The following AKAP6 variants were observed in gnomAD, a reference collection of about 807,000 sequenced individuals.
AKAP6 encodes A-kinase anchoring protein 6.
Under a neutral mutation model 188.5 loss-of-function variants are expected in AKAP6, and 58 were observed. The observed-to-expected ratio is 0.31, with a 90% CI of 0.25 to 0.38. The LOEUF (loss-of-function observed/expected upper bound fraction) is 0.38, where lower values mean the gene tolerates loss of function less well. Among genes scored for constraint, AKAP6 ranks in the 10% least tolerant of loss-of-function variants. The pLI, the probability that AKAP6 is intolerant of heterozygous loss-of-function variation, is 1.00. For synonymous variants in AKAP6, 989 were observed against 998.6 expected, an observed-to-expected ratio of 0.99 and a Z score of 0.18; for missense variants, 2,710 against 2,740.0, an observed-to-expected ratio of 0.99 and a Z score of 0.24.
chr14:32,789,270 G>C (rs2033532294), intron 12 of AKAP6, among the ~76,000 whole-genome samples: 1 of 152,190 alleles, frequency 6.6e-6, no homozygotes, highest in Non-Finnish European at 1.5e-5. Flanking sequence ...CATCTCTGCA[G>C]TTCAGTTGAC....
intron 9 of AKAP6, among the ~76,000 whole-genome samples, chr14:32,709,644 T>C (rs1204035655): frequency 6.6e-6 from 1 of 152,066 alleles, no homozygotes; most frequent in Non-Finnish European, 1.5e-5. Flanking sequence ...AGGAGAGAAT[T>C]TGTCCTCCAT....
chr14:32,673,662 G>C (rs1889313565), intron 7 of AKAP6, among the ~76,000 whole-genome samples: 2 of 152,178 alleles, frequency 1.3e-5, no homozygotes, highest in Admixed American at 1.3e-4. Flanking sequence ...TTGAACCTGG[G>C]AGGTGGAGGT....
intron 12 of AKAP6, among the ~76,000 whole-genome samples, chr14:32,811,434 C>T (rs1950213): frequency 0.85 from 128,529 of 151,910 alleles, 54,386 homozygotes; most frequent in Admixed American, 0.88. Flanking sequence ...ACAGTAATGA[C>T]ATAATGTTGG....
At position 32,669,596 on chromosome 14, in the gene AKAP6, A is replaced by G. The variant is rs113382638; in HGVS notation, c.2731-8715A>G. Among the ~76,000 whole-genome samples the G allele has an allele frequency of 5.9e-3, 905 of 152,324 alleles. 3 individuals carry two copies. The highest frequency in any genetic ancestry group is 0.019 in the African/African-American group (802 of 41,566). ...ATGAGTATGGGCACTCTGCCAAACA[A>G]AAGAGTAGATATTTCCAAGTGTATT... On this transcript the variant is annotated intron_variant, in intron 7 of 13. Transcript: ENST00000280979.
intron 1 of AKAP6, among the ~76,000 whole-genome samples, 169 bp downstream of exon 1, chr14:32,329,577 A>T (rs996675334): frequency 5.9e-5 from 9 of 152,118 alleles, no homozygotes; most frequent in Non-Finnish European, 1.3e-4. Context: ...AAAGGCCTGT[A>T]AGAGTCATAT....
intron 12 of AKAP6, among the ~76,000 whole-genome samples, chr14:32,774,753 C>T (rs951404868): frequency 2.1e-5 from 3 of 144,292 alleles, no homozygotes; most frequent in Non-Finnish European, 4.4e-5. Flanking sequence ...TGCATACATA[C>T]ATACATACAT....
chr14:32,387,034 T>C (rs1888556539), intron 1 of AKAP6, among the ~76,000 whole-genome samples: 1 of 152,132 alleles, frequency 6.6e-6, no homozygotes, highest in South Asian at 2.1e-4. Context: ...TGAAATCAGG[T>C]AATGTGATGC....
rs116307985 is a variant in AKAP6, at chr14:32,614,753, T to C, written c.2730+13961T>C. ...GGACCCTATTCCCCAGCCCAGCCAG[T>C]GAATCACAGTTAGTCCATGAGGCAA... On this transcript the variant is annotated intron_variant, in intron 7 of 13. Coordinates refer to ENST00000280979, the MANE Select transcript of AKAP6 (RefSeq NM_004274.5). Among the ~76,000 whole-genome samples, 486 of 152,208 alleles carry C rather than the reference T, an allele frequency of 3.2e-3. 1 individual carries two copies. Among genetic ancestry groups the C allele is most frequent in the African/African-American group, 0.011 (467 of 41,532 alleles).
chr14:32,527,500 A>G (rs1450554419), intron 2 of AKAP6, among the ~76,000 whole-genome samples: 1 of 152,180 alleles, frequency 6.6e-6, no homozygotes, highest in African/African-American at 2.4e-5. Context: ...GCTGGTTTTT[A>G]TGGTGAGAAT....
At chr14:32,783,667 G>A (rs1350073659) in intron 12 of AKAP6, among the ~76,000 whole-genome samples, 1 of 152,062 alleles carries the variant, frequency 6.6e-6, no homozygotes, top group Non-Finnish European at 1.5e-5. Flanking sequence ...TATATATCAG[G>A]CAATGTTCAG....
chr14:32,670,740 C>A (rs1391341205), intron 7 of AKAP6, among the ~76,000 whole-genome samples: 1 of 148,048 alleles, frequency 6.8e-6, no homozygotes, highest in Non-Finnish European at 1.5e-5. Flanking sequence ...TTTTTTTTTT[C>A]CCTGGGAAGA....
chr14:32,585,970 C>A (rs1885222273), intron 5 of AKAP6, among the ~76,000 whole-genome samples: 1 of 151,988 alleles, frequency 6.6e-6, no homozygotes. Context: ...CCTCTGGGGG[C>A]AATGGGGACT....
At chr14:32,776,440 G>A (rs970365982) in intron 12 of AKAP6, among the ~76,000 whole-genome samples, 3 of 152,126 alleles carry the variant, frequency 2.0e-5, no homozygotes, top group Non-Finnish European at 2.9e-5. Context: ...TGATTGTGAG[G>A]CCTCCCCAGC....
At chr14:32,638,507 G>T (rs1299522194) in intron 7 of AKAP6, among the ~76,000 whole-genome samples, 1 of 152,206 alleles carries the variant, frequency 6.6e-6, no homozygotes, top group African/African-American at 2.4e-5. Context: ...CATACAATCA[G>T]GAGATGATTG....
chr14:32,645,580 C>A (rs913234209), intron 7 of AKAP6, among the ~76,000 whole-genome samples: 6 of 152,188 alleles, frequency 3.9e-5, no homozygotes, highest in African/African-American at 1.4e-4. Flanking sequence ...CCACACCCAC[C>A]TACATTGTAT....
At chr14:32,692,309 G>GA (rs1342751526) in intron 8 of AKAP6, among the ~76,000 whole-genome samples, 1 of 152,008 alleles carries the variant, frequency 6.6e-6, no homozygotes, top group African/African-American at 2.4e-5. Context: ...AAAAGCCAGT[G>GA]AAAAAATTCC....
At chr14:32,569,693 G>T (rs958060858) in intron 4 of AKAP6, among the ~76,000 whole-genome samples, 2 of 152,182 alleles carry the variant, frequency 1.3e-5, no homozygotes, top group Non-Finnish European at 2.9e-5. Flanking sequence ...AAATATGTAT[G>T]TAAAAATCTC....
intron 7 of AKAP6, among the ~76,000 whole-genome samples, chr14:32,661,279 A>G (rs1888689313): frequency 6.6e-6 from 1 of 152,044 alleles, no homozygotes; most frequent in Non-Finnish European, 1.5e-5. Flanking sequence ...ATAATAATAA[A>G]TCCTGCTGCT....
intron 9 of AKAP6, among the ~76,000 whole-genome samples, chr14:32,717,190 A>T (rs2139773198): frequency 6.6e-6 from 1 of 152,206 alleles, no homozygotes; most frequent in South Asian, 2.1e-4. Flanking sequence ...TTTGGTACTC[A>T]CATCTTCTTG....
Sources: allele counts gnomAD v4.1 joint callset (sites outside exome capture counted in the v4.1 genomes callset), GRCh38; gene constraint gnomAD v4.1.1; transcripts MANE v1.5; gene names NCBI Gene and HGNC (gene_info 2026-07-23, HGNC 2026-07-21).